SLC41A1: variants seen among roughly 807,000 people sequenced by gnomAD.
SLC41A1 encodes the protein solute carrier family 41 member 1.
SLC41A1 carries 20 observed loss-of-function variants against 47.3 expected under a neutral mutation model. The ratio of observed to expected loss-of-function variants is 0.42; its 90% CI spans 0.30 to 0.61. The LOEUF is 0.61. Among genes scored for constraint, SLC41A1 ranks in the 20% least tolerant of loss-of-function variants. The probability of loss-of-function intolerance (pLI) is 0.17; values close to 1 mark genes in which losing one functional copy is unlikely to be tolerated. For synonymous variants in SLC41A1, 282 were observed against 272.7 expected (o/e 1.03, Z -0.34); for missense variants, 504 against 674.1 (o/e 0.75, Z 2.79).
intron 1 of SLC41A1, among the ~76,000 whole-genome samples, chr1:205,812,339 T>G (rs987097964): frequency 1.3e-5 from 2 of 152,180 alleles, no homozygotes; most frequent in Non-Finnish European, 2.9e-5. Flanking sequence ...CCACCAGGAC[T>G]CCCTTTTCCA....
intron 8 of SLC41A1, 96 bp downstream of exon 8, chr1:205,796,827 AC>A: frequency 8.2e-7 from 1 of 1,217,090 alleles, no homozygotes; most frequent in Admixed American, 2.0e-5. Flanking sequence ...GTCTGCTGGA[AC>A]CCTGACTGAT....
At chr1:205,802,136 G>GGGA (rs1655895114) in intron 2 of SLC41A1, among the ~76,000 whole-genome samples, 2 of 152,184 alleles carry the variant, frequency 1.3e-5, no homozygotes, top group Admixed American at 1.3e-4. Context: ...GGTTTGGAGA[G>GGGA]GGAGGAGGAG....
Position 205,791,693 on chromosome 1 carries a change from T to C in SLC41A1, c.1382A>G (p.Asp461Gly), listed in dbSNP as rs758162486. 6.2e-7 allele frequency: 1 copy of C among 1,613,974 alleles called. No individual in the cohort carries two copies. Among genetic ancestry groups the C allele is most frequent in the East Asian group, 2.2e-5 (1 of 44,876 alleles). The change falls in exon 11 of 11, where the codon GAC (aspartate) becomes GGC (glycine). Residue 461 changes from aspartate to glycine, a missense_variant. Physicochemically the swap from Asp to Gly is moderately conservative, Grantham distance 94 (BLOSUM62 -1). Coordinates refer to ENST00000367137, the MANE Select transcript of SLC41A1 (RefSeq NM_173854.6). The surrounding 1 kb of genome is among the most constrained non-coding windows in gnomAD (Gnocchi z 4.0). ...LQVLILLYIA[D>G]WMVHWMWGRG... ...GCCCCACATCCAGTGCACCATCCAG[T>C]CTGCGATGTACAGGAGAATCAGCAC...
rs1038559952 is a variant in SLC41A1 at position 205,813,154 on chromosome 1, C to A, written c.-993G>T. ...ATCGCTTCTTGCCCGCGGACTCGGG[C>A]CCAACTGGTTGGCTGCCGGTGGCAA... is the stretch of plus-strand genomic sequence containing the variant. On this transcript the variant is annotated 5_prime_UTR_variant, in exon 1 of 11. Coordinates refer to ENST00000367137, the MANE Select transcript of SLC41A1 (RefSeq NM_173854.6). The A allele has an allele frequency of 1.0e-6, 1 of 985,532 alleles. No homozygotes were observed. The highest frequency in any genetic ancestry group is 1.2e-6 in the Non-Finnish European group (1 of 830,006). 61.0% of individuals were successfully genotyped at this position (985,532 alleles called of 1,614,324 possible).
At chr1:205,807,650 C>CTTTTTTT (rs71152452) in intron 2 of SLC41A1, among the ~76,000 whole-genome samples, 4 of 98,518 alleles carry the variant, frequency 4.1e-5, no homozygotes, top group East Asian at 3.9e-4. Context: ...CTCGTAGAGT[C>CTTTTTTT]TTTTTTTTTT....
At chr1:205,809,937 G>T in intron 2 of SLC41A1, 133 bp downstream of exon 2, 1 of 1,362,548 alleles carries the variant, frequency 7.3e-7, no homozygotes, top group Non-Finnish European at 1.0e-6. Flanking sequence ...CCGAGGACAT[G>T]ATCCAAAGGA....
Position 205,798,021 on chromosome 1 carries a change from C to T in SLC41A1, c.875G>A (p.Cys292Tyr). ...NHWRYIYPLV[C>Y]AFFVALLPVW... ...AGGCAGCAGGGCCACAAAGAAAGCACACACCAGTGGGTAGATGTATCGCCA... is the reference window on the plus strand; with the variant it reads ...AGGCAGCAGGGCCACAAAGAAAGCATACACCAGTGGGTAGATGTATCGCCA... The change falls in exon 7 of 11, where the codon TGT (cysteine) becomes TAT (tyrosine). Residue 292 changes from cysteine (C) to tyrosine (Y), a missense_variant. Physicochemically the swap from Cys to Tyr is radical, Grantham distance 194 (BLOSUM62 -2). Transcript: ENST00000367137. The T allele has an allele frequency of 3.1e-6, 5 of 1,614,136 alleles. No individual in the cohort carries two copies. The highest frequency in any genetic ancestry group is 4.2e-6 in the Non-Finnish European group (5 of 1,180,036).
At chr1:205,802,791 T>C (rs1407231866) in intron 2 of SLC41A1, among the ~76,000 whole-genome samples, 1 of 141,548 alleles carries the variant, frequency 7.1e-6, no homozygotes, top group African/African-American at 2.8e-5. Context: ...AGTTGAGCAA[T>C]ACTGTAGATT....
intron 2 of SLC41A1, among the ~76,000 whole-genome samples, chr1:205,805,626 T>C (rs999277227): frequency 1.3e-5 from 2 of 152,146 alleles, no homozygotes; most frequent in African/African-American, 4.8e-5. Flanking sequence ...TAACTACTTC[T>C]CAGAAATGCA....
At position 205,795,250 on chromosome 1, in the gene SLC41A1, C is replaced by T. The variant is rs957015858; in HGVS notation, c.1207+94G>A. 2.3e-5 allele frequency: 37 copies of T among 1,583,958 alleles called. No individual in the cohort carries two copies. The South Asian group carries it at 3.7e-4, about 16-fold the overall frequency. ...GCACAGCCCAGCAGAGAAGGAGAACCTGTGGATCTGGGGCCCCAGCTGTCT... is the reference window on the plus strand; with the variant it reads ...GCACAGCCCAGCAGAGAAGGAGAACTTGTGGATCTGGGGCCCCAGCTGTCT... On this transcript the variant is annotated intron_variant, in intron 9 of 10. Transcript: ENST00000367137.
At position 205,810,512 on chromosome 1, in the gene SLC41A1, G is replaced by C. The variant is rs1424994746; in HGVS notation, c.-71C>G. On this transcript the variant is annotated 5_prime_UTR_variant, in exon 2 of 11. Coordinates refer to ENST00000367137, the MANE Select transcript of SLC41A1 (RefSeq NM_173854.6). This position sits in a 1 kb window ranked among gnomAD's most constrained non-coding sequence, Gnocchi z 5.5. ...TGCTTTCTCTCTTCTTCTCTAACTT[G>C]GGAAAGAACTTAGTCTTGGGGTGAA... is the stretch of plus-strand genomic sequence containing the variant. The C allele has an allele frequency of 1.2e-6, 2 of 1,610,794 alleles. No individual in the cohort carries two copies. Among genetic ancestry groups the C allele is most frequent in the Non-Finnish European group, 1.7e-6 (2 of 1,179,716 alleles).
chr1:205,810,368 G>A lies in SLC41A1; in HGVS notation c.74C>T (p.Ser25Leu). 3.1e-6 allele frequency: 5 copies of A among 1,614,182 alleles called. No homozygotes were observed. The highest frequency in any genetic ancestry group is 4.2e-6 in the Non-Finnish European group (5 of 1,180,036). Reference sequence around the variant, plus strand: ...CAAGGGCTCTCTCCCTGGGCCATCTGAAGAGCAGGGAGAGGCAGAAGGGCC... The same window carrying A: ...CAAGGGCTCTCTCCCTGGGCCATCTAAAGAGCAGGGAGAGGCAGAAGGGCC... ...GTGPSASPCS[S>L]DGPGREPLAG... is the part of the protein sequence containing the mutation. Residue 25 changes from serine to leucine, a missense_variant, in exon 2 of 11, where the codon TCA becomes TTA. By Grantham distance (145) the Ser-to-Leu change is moderately radical. Transcript: ENST00000367137. This position sits in a 1 kb window ranked among gnomAD's most constrained non-coding sequence, Gnocchi z 5.5.
intron 2 of SLC41A1, among the ~76,000 whole-genome samples, chr1:205,806,478 T>C (rs955356324): frequency 2.0e-5 from 3 of 152,208 alleles, no homozygotes; most frequent in Non-Finnish European, 4.4e-5. Flanking sequence ...AAAGTGCAGA[T>C]GGGCACACTA....
intron 2 of SLC41A1, among the ~76,000 whole-genome samples, chr1:205,805,356 G>T (rs897222570): frequency 6.6e-6 from 1 of 152,230 alleles, no homozygotes; most frequent in Non-Finnish European, 1.5e-5. Context: ...GGAGGCTGGA[G>T]ATGTGGAGCC....
intron 2 of SLC41A1, among the ~76,000 whole-genome samples, chr1:205,803,632 C>CTTTTTTTTTTTTTTTTTTTT (rs140199204): frequency 1.7e-5 from 2 of 121,034 alleles, no homozygotes; most frequent in Non-Finnish European, 1.8e-5. Flanking sequence ...TAGTCAAATT[C>CTTTTTTTTTTTTTTTTTTTT]TTTTTTTTTT....
chr1:205,791,833 C>T lies in SLC41A1; in HGVS notation c.1357-115G>A. 7.6e-7 allele frequency: 1 copy of T among 1,312,962 alleles called. No individual in the cohort carries two copies. The highest frequency in any genetic ancestry group is 1.1e-6 in the Non-Finnish European group (1 of 933,678). 81.3% of individuals were successfully genotyped at this position (1,312,962 alleles called of 1,614,324 possible). Reference sequence around the variant, plus strand: ...AGGGCTTGGCTGGCCATAATCCTTACTTTTTAATCTTCCTCTTTCCACCCC... The same window carrying T: ...AGGGCTTGGCTGGCCATAATCCTTATTTTTTAATCTTCCTCTTTCCACCCC... On this transcript the variant is annotated intron_variant, in intron 10 of 10. Coordinates refer to ENST00000367137, the MANE Select transcript of SLC41A1 (RefSeq NM_173854.6). The surrounding 1 kb of genome is among the most constrained non-coding windows in gnomAD (Gnocchi z 4.0).
At chr1:205,806,522 A>G (rs1190693999) in intron 2 of SLC41A1, among the ~76,000 whole-genome samples, 4 of 152,184 alleles carry the variant, frequency 2.6e-5, no homozygotes. Flanking sequence ...AAAGGCTGAC[A>G]GATAAAGGGA....
Position 205,791,157 on chromosome 1 carries a change from C to A in SLC41A1, c.*376G>T, listed in dbSNP as rs1655617407. ...ATAAAAAGAAAACAAAACCAAAAAT[C>A]CAGAGCCCACTTACAAAGGGTTTCT... On this transcript the variant is annotated 3_prime_UTR_variant, in exon 11 of 11. Coordinates refer to ENST00000367137, the MANE Select transcript of SLC41A1 (RefSeq NM_173854.6). The surrounding 1 kb of genome is among the most constrained non-coding windows in gnomAD (Gnocchi z 4.0). 3.5e-6 allele frequency: 1 copy of A among 281,988 alleles called. No individual in the cohort carries two copies. The highest frequency in any genetic ancestry group is 6.8e-6 in the Non-Finnish European group (1 of 146,070). The allele number at this position is 281,988 out of a possible 1,614,324, so 17.5% of individuals were successfully genotyped here.
intron 2 of SLC41A1, 102 bp downstream of exon 2, chr1:205,809,968 G>C (rs1571652670): frequency 6.6e-7 from 1 of 1,523,032 alleles, no homozygotes; most frequent in African/African-American, 1.4e-5. Flanking sequence ...CTAGGAAGCA[G>C]CAGCCACTTC....
Sources: gnomAD v4.1 joint callset for allele counts (sites outside exome capture counted in the v4.1 genomes callset) on GRCh38, gnomAD v4.1.1 for gene constraint, Gnocchi (gnomAD v3.1) non-coding constraint, MANE v1.5 for transcripts, NCBI Gene and HGNC (gene_info 2026-07-23, HGNC 2026-07-21) for gene names.